The following ZNF667 variants were observed in gnomAD, a reference collection of about 807,000 sequenced individuals.
The protein encoded by ZNF667 is zinc finger protein 667.
Under a neutral mutation model 31.8 loss-of-function variants are expected in ZNF667, and 13 were observed. The observed-to-expected ratio is 0.41, with a 90% CI of 0.27 to 0.65. ZNF667 has a LOEUF of 0.65. Ranked by LOEUF, ZNF667 falls within the 30% of genes least tolerant of loss-of-function variation. The probability of loss-of-function intolerance (pLI) is 0.32; values close to 1 mark genes in which losing one functional copy is unlikely to be tolerated. For synonymous variants in ZNF667, 228 were observed against 247.1 expected, an observed-to-expected ratio of 0.92 and a Z score of 0.73; for missense variants, 642 against 725.6, an observed-to-expected ratio of 0.88 and a Z score of 1.32.
intron 6 of ZNF667, among the ~76,000 whole-genome samples, chr19:56,456,890 T>C (rs969086978): frequency 6.6e-6 from 1 of 152,218 alleles, no homozygotes; most frequent in African/African-American, 2.4e-5. Flanking sequence ...AAAACAGTAT[T>C]TTAATAAAGG....
At chr19:56,467,099 G>A (rs1483207839) in intron 3 of ZNF667, 2 of 455,926 alleles carry the variant, frequency 4.4e-6, no homozygotes, top group Admixed American at 2.4e-5. Flanking sequence ...CCATGCAGGT[G>A]AGCCATGGTC....
chr19:56,459,019 C>A (rs915994249), intron 5 of ZNF667, among the ~76,000 whole-genome samples: 3 of 152,008 alleles, frequency 2.0e-5, no homozygotes, highest in African/African-American at 7.2e-5. Flanking sequence ...GGGCTCTTAC[C>A]CTGTGGGATC....
At chr19:56,476,621 G>A (rs559199793) in intron 1 of ZNF667, among the ~76,000 whole-genome samples, 54 of 152,302 alleles carry the variant, frequency 3.5e-4, no homozygotes, top group African/African-American at 1.1e-3. Context: ...AAGGAGGAAA[G>A]TCATGCACAA....
rs551983441 is a variant in ZNF667, at chr19:56,440,257, C to T, written c.*905G>A. The T allele has an allele frequency of 2.6e-5, 4 of 152,118 alleles. No homozygotes were observed. Among genetic ancestry groups the T allele is most frequent in the Non-Finnish European group, 5.9e-5 (4 of 68,012 alleles). 9.4% of individuals were successfully genotyped at this position (152,118 alleles called of 1,614,324 possible). A position where few individuals can be genotyped will look rare whatever the true frequency, so the allele number is the denominator to read the frequency against. On this transcript the variant is annotated 3_prime_UTR_variant, in exon 7 of 7. Transcript: ENST00000504904. ...TTCTCCTGGCTCTGAAATCCTCATT[C>T]TTCACTATATCTTGGTTCTTTTACT...
intron 6 of ZNF667, among the ~76,000 whole-genome samples, chr19:56,457,682 G>C (rs888414219): frequency 6.6e-6 from 1 of 152,124 alleles, no homozygotes; most frequent in Non-Finnish European, 1.5e-5. Context: ...CAGTGGGAGA[G>C]GCACACAAAT....
intron 3 of ZNF667, among the ~76,000 whole-genome samples, chr19:56,466,368 T>A (rs1200157794): frequency 1.3e-5 from 2 of 152,112 alleles, no homozygotes; most frequent in East Asian, 3.9e-4. Flanking sequence ...CTCAGCTGTA[T>A]CAGCCTTAGA....
rs745430027 is a variant in ZNF667, at chr19:56,442,219, C to G, written c.776G>C (p.Gly259Ala). 6.2e-7 allele frequency: 1 copy of G among 1,614,012 alleles called. No individual in the cohort carries two copies. The highest frequency in any genetic ancestry group is 1.3e-5 in the African/African-American group (1 of 74,912). Residue 259 changes from glycine (G) to alanine (A), a missense_variant, in exon 7 of 7, where the codon GGA (glycine) becomes GCA (alanine). Coordinates refer to ENST00000504904, the MANE Select transcript of ZNF667 (RefSeq NM_001321356.2). ...VGNVCQCRKC[G>A]KAFNQMSSLL... The stretch of plus-strand genomic sequence containing the variant: ...GGATGACATCTGATTGAAGGCTTTT[C>G]CGCACTTTCTGCACTGGCAGACATT...
At chr19:56,476,730 A>G (rs1309215511) in intron 1 of ZNF667, among the ~76,000 whole-genome samples, 1 of 152,188 alleles carries the variant, frequency 6.6e-6, no homozygotes, top group Admixed American at 6.5e-5. Flanking sequence ...ACAGTGAGAT[A>G]TACACCAGAA....
rs56831428 is a variant in ZNF667 at position 56,459,809 on chromosome 19, C to T, written c.160+880G>A. On this transcript the variant is annotated intron_variant, in intron 5 of 6. Coordinates refer to ENST00000504904, the MANE Select transcript of ZNF667 (RefSeq NM_001321356.2). ...GAGATCGAGACCATCCTGGCTAATA[C>T]GGGGAAACCCCATCTCTACTAAAAT... 7.0e-4 allele frequency among the ~76,000 whole-genome samples: 107 copies of T among 152,190 alleles called. 1 individual carries two copies. In the East Asian group the frequency reaches 0.017, roughly 24 times the overall value.
At position 56,441,544 on chromosome 19, in the gene ZNF667, A is replaced by G; in HGVS notation, c.1451T>C (p.Ile484Thr). 1 of 1,614,160 alleles carries G rather than the reference A, an allele frequency of 6.2e-7. No homozygotes were observed. ...EECGKAFSHR[I>T]SLTRHKRIHT... ...AATTCTCTTATGTCGTGTGAGAGAT[A>G]TTCGGTGGCTGAAGGCTTTTCCACA... is the stretch of plus-strand genomic sequence containing the variant. The change falls in exon 7 of 7, where the codon ATA becomes ACA. Residue 484 changes from isoleucine (I) to threonine (T), a missense_variant. By Grantham distance (89) the Ile-to-Thr change is moderately conservative. Transcript: ENST00000504904. The surrounding 1 kb of genome is among the most constrained non-coding windows in gnomAD (Gnocchi z 4.2).
chr19:56,473,581 T>C (rs1317196251), intron 2 of ZNF667, among the ~76,000 whole-genome samples: 3 of 152,208 alleles, frequency 2.0e-5, no homozygotes. Context: ...AAAACTGCAA[T>C]GTCTGAGGCT....
chr19:56,460,034 C>T (rs886533733), intron 5 of ZNF667, among the ~76,000 whole-genome samples: 3 of 151,934 alleles, frequency 2.0e-5, no homozygotes, highest in Non-Finnish European at 4.4e-5. Flanking sequence ...GAGTTACCTA[C>T]AGAGTTTCCA....
At chr19:56,458,367 A>G (rs997503523) in intron 5 of ZNF667, 120 bp from the exon 6 acceptor site, 33 of 773,778 alleles carry the variant, frequency 4.3e-5, no homozygotes, top group Admixed American at 2.1e-5. Flanking sequence ...GAGGATGTGA[A>G]GGGCAGCTGG....
chr19:56,448,302 T>C (rs1172974288), intron 6 of ZNF667, among the ~76,000 whole-genome samples: 1 of 152,124 alleles, frequency 6.6e-6, no homozygotes, highest in Non-Finnish European at 1.5e-5. Flanking sequence ...AGCTCTAGCC[T>C]AAGAATTGTC....
chr19:56,452,346 G>A (rs566062368), intron 6 of ZNF667, among the ~76,000 whole-genome samples: 4 of 151,872 alleles, frequency 2.6e-5, no homozygotes, highest in East Asian at 1.9e-4. Flanking sequence ...CACCACCCCC[G>A]GCCTGAAGAA....
intron 3 of ZNF667, chr19:56,468,344 T>C (rs150602498): frequency 1.3e-5 from 2 of 152,354 alleles, no homozygotes; most frequent in African/African-American, 2.4e-5. Flanking sequence ...AAGTGACTAC[T>C]CCTCTACCCT....
At chr19:56,468,370 CTG>C (rs2043211309) in intron 3 of ZNF667, 4 of 152,198 alleles carry the variant, frequency 2.6e-5, no homozygotes, top group Admixed American at 2.6e-4. Flanking sequence ...CACATGTAAA[CTG>C]TGTGTTCAGT....
intron 3 of ZNF667, among the ~76,000 whole-genome samples, chr19:56,465,649 G>A (rs1178688043): frequency 6.6e-6 from 1 of 152,198 alleles, no homozygotes; most frequent in Non-Finnish European, 1.5e-5. Flanking sequence ...TAGACCAGTG[G>A]CAGAGCCAGG....
intron 6 of ZNF667, among the ~76,000 whole-genome samples, chr19:56,457,501 TATCTATAAA>T (rs2042958750): frequency 6.6e-6 from 1 of 152,136 alleles, no homozygotes; most frequent in Non-Finnish European, 1.5e-5. Context: ...CCTGTTTGCT[TATCTATAAA>T]GTAGGGGTAA....
Sources: gnomAD v4.1 joint callset for allele counts (sites outside exome capture counted in the v4.1 genomes callset) on GRCh38, gnomAD v4.1.1 for gene constraint, Gnocchi (gnomAD v3.1) non-coding constraint, MANE v1.5 for transcripts, NCBI Gene and HGNC (gene_info 2026-07-23, HGNC 2026-07-21) for gene names.